SH3RF3: variants seen among roughly 807,000 people sequenced by gnomAD.
The protein encoded by SH3RF3 is SH3 domain containing ring finger 3.
Under a neutral mutation model 66.3 loss-of-function variants are expected in SH3RF3, and 29 were observed. The observed-to-expected ratio is 0.44, with a 90% CI of 0.33 to 0.60. The LOEUF is 0.60. Among genes scored for constraint, SH3RF3 ranks in the 20% least tolerant of loss-of-function variants. The pLI is 0.04. For synonymous variants in SH3RF3, 583 were observed against 532.0 expected, an observed-to-expected ratio of 1.10 and a Z score of -1.32; for missense variants, 1,194 against 1,190.9, an observed-to-expected ratio of 1.00 and a Z score of -0.04.
At chr2:109,177,696 C>G (rs1246138685) in intron 1 of SH3RF3, among the ~76,000 whole-genome samples, 1 of 152,154 alleles carries the variant, frequency 6.6e-6, no homozygotes, top group Non-Finnish European at 1.5e-5. Flanking sequence ...AATCTAAAAA[C>G]TCTGAATAAC....
chr2:109,418,516 T>C (rs983224191), intron 4 of SH3RF3, among the ~76,000 whole-genome samples: 32 of 152,100 alleles, frequency 2.1e-4, no homozygotes, highest in African/African-American at 7.2e-4. Flanking sequence ...GATGCATCAC[T>C]CCTGTCACTG....
intron 1 of SH3RF3, among the ~76,000 whole-genome samples, chr2:109,253,029 TC>T (rs1186433566): frequency 4.6e-5 from 7 of 152,140 alleles, no homozygotes; most frequent in African/African-American, 1.4e-4. Context: ...ACTTTTTTTT[TC>T]TTTTTTTTTA....
At chr2:109,427,420 TG>T (rs1461784439) in intron 5 of SH3RF3, among the ~76,000 whole-genome samples, 2 of 152,210 alleles carry the variant, frequency 1.3e-5, no homozygotes, top group Non-Finnish European at 2.9e-5. Context: ...TTTGCTCTAT[TG>T]GGGCAGTCTG....
chr2:109,254,276 G>A (rs568606159), intron 1 of SH3RF3, among the ~76,000 whole-genome samples: 119 of 152,246 alleles, frequency 7.8e-4, no homozygotes, highest in African/African-American at 2.7e-3. Flanking sequence ...TTTTTAGCAC[G>A]CAGCAGCATA....
At chr2:109,484,072 T>C (rs1182222504) in intron 8 of SH3RF3, among the ~76,000 whole-genome samples, 1 of 148,810 alleles carries the variant, frequency 6.7e-6, no homozygotes, top group East Asian at 2.0e-4. Context: ...CCTTTCTTTT[T>C]TTTTTTTTTT....
chr2:109,262,476 G>A (rs541059596), intron 1 of SH3RF3, among the ~76,000 whole-genome samples: 53 of 152,304 alleles, frequency 3.5e-4, no homozygotes, highest in Admixed American at 3.1e-3. Flanking sequence ...GACAGTGTCC[G>A]GAGGCCCCAC....
At chr2:109,189,311 A>G (rs1044262286) in intron 1 of SH3RF3, among the ~76,000 whole-genome samples, 2 of 148,724 alleles carry the variant, frequency 1.3e-5, no homozygotes, top group South Asian at 2.2e-4. Flanking sequence ...TCCACCTGAC[A>G]CCCCCCACCA....
chr2:109,417,450 G>T (rs1481636132), intron 4 of SH3RF3, among the ~76,000 whole-genome samples: 1 of 152,174 alleles, frequency 6.6e-6, no homozygotes, highest in Non-Finnish European at 1.5e-5. Flanking sequence ...TCCGTGGGAA[G>T]GAATGCCCCC....
intron 8 of SH3RF3, among the ~76,000 whole-genome samples, chr2:109,483,075 G>A (rs185601742): frequency 3.3e-5 from 5 of 152,156 alleles, no homozygotes; most frequent in Admixed American, 2.6e-4. Context: ...AAAATGCGTT[G>A]CATATTTATA....
chr2:109,469,811 T>C (rs1559100404), intron 8 of SH3RF3, among the ~76,000 whole-genome samples: 1 of 152,150 alleles, frequency 6.6e-6, no homozygotes, highest in Non-Finnish European at 1.5e-5. Flanking sequence ...CCTCAGAAGG[T>C]AGATCCGAAT....
chr2:109,420,421 T>TTTG (rs141792378), intron 5 of SH3RF3, among the ~76,000 whole-genome samples: 1 of 152,022 alleles, frequency 6.6e-6, no homozygotes, highest in Admixed American at 6.6e-5. Context: ...AACAGGATTT[T>TTTG]TTGTTGTTGT....
chr2:109,158,487 A>T (rs1246681214), intron 1 of SH3RF3, among the ~76,000 whole-genome samples: 3 of 152,126 alleles, frequency 2.0e-5, no homozygotes, highest in African/African-American at 7.2e-5. Context: ...CAGCCACTTC[A>T]TCCTTCACAC....
At chr2:109,468,546 G>A (rs1052706519) in intron 8 of SH3RF3, among the ~76,000 whole-genome samples, 3 of 152,096 alleles carry the variant, frequency 2.0e-5, no homozygotes, top group Non-Finnish European at 4.4e-5. Flanking sequence ...CACAAACGAT[G>A]ACCAGTCAGG....
At chr2:109,211,399 T>C (rs2105108188) in intron 1 of SH3RF3, among the ~76,000 whole-genome samples, 1 of 152,322 alleles carries the variant, frequency 6.6e-6, no homozygotes, top group Middle Eastern at 3.4e-3. Flanking sequence ...GGAGGTGTTA[T>C]AAACAGCAGG....
intron 8 of SH3RF3, among the ~76,000 whole-genome samples, chr2:109,485,775 C>T (rs757002061): frequency 1.5e-4 from 23 of 152,272 alleles, no homozygotes; most frequent in African/African-American, 1.7e-4. Context: ...AACTCATAAG[C>T]TCTCCCTTCT....
At position 109,153,400 on chromosome 2, in the gene SH3RF3, G is replaced by A. The variant is rs141389237; in HGVS notation, c.573+23287G>A. On this transcript the variant is annotated intron_variant, in intron 1 of 9. Transcript: ENST00000309415. ...TGCTGAGGTTTGGAAAGGCAATTACGCTGATTTTGCCCAAAATTTGGACAG... is the reference window on the plus strand; with the variant it reads ...TGCTGAGGTTTGGAAAGGCAATTACACTGATTTTGCCCAAAATTTGGACAG... Among the ~76,000 whole-genome samples, 73 of 152,270 alleles carry A rather than the reference G, an allele frequency of 4.8e-4. 1 individual carries two copies. In the South Asian group the frequency reaches 0.012, roughly 25 times the overall value.
intron 2 of SH3RF3, 68 bp from the exon 3 acceptor site, chr2:109,371,518 T>C: frequency 7.4e-7 from 1 of 1,350,912 alleles, no homozygotes; most frequent in Non-Finnish European, 1.1e-6. Context: ...TACTAACCAG[T>C]GTCTTGCTTC....
intron 8 of SH3RF3, among the ~76,000 whole-genome samples, chr2:109,479,996 G>A (rs1031144006): frequency 4.6e-5 from 7 of 152,168 alleles, no homozygotes; most frequent in East Asian, 3.9e-4. Flanking sequence ...GAGGCCACGC[G>A]TCATCACAGC....
chr2:109,379,876 G>A (rs1297474769), intron 3 of SH3RF3, among the ~76,000 whole-genome samples: 1 of 152,176 alleles, frequency 6.6e-6, no homozygotes, highest in Non-Finnish European at 1.5e-5. Flanking sequence ...CTCCTGGAGT[G>A]TGATGTTGTG....
Sources: gnomAD v4.1 joint callset for allele counts (sites outside exome capture counted in the v4.1 genomes callset) on GRCh38, gnomAD v4.1.1 for gene constraint, MANE v1.5 for transcripts, NCBI Gene and HGNC (gene_info 2026-07-23, HGNC 2026-07-21) for gene names.